The following ACTR3C variants were observed in gnomAD, a reference collection of about 807,000 sequenced individuals.
ACTR3C encodes the protein actin related protein 3C.
A neutral mutation model predicts 26.3 loss-of-function variants in ACTR3C; 18 were observed. The ratio of observed to expected loss-of-function variants is 0.68; its 90% CI spans 0.47 to 1.01. ACTR3C has a LOEUF of 1.01. Among genes scored for constraint, ACTR3C ranks in the 50% least tolerant of loss-of-function variants. The pLI, the probability that ACTR3C is intolerant of heterozygous loss-of-function variation, is 0.00. For synonymous variants in ACTR3C, 55 were observed against 94.5 expected (o/e 0.58, Z 2.42); for missense variants, 184 against 250.7 (o/e 0.73, Z 1.80).
the ACTR3C span, among the ~76,000 whole-genome samples, chr7:150,113,184 C>G: frequency 6.6e-6 from 1 of 151,574 alleles, no homozygotes; most frequent in Non-Finnish European, 1.5e-5. Flanking sequence ...TCACGCTGCT[C>G]CTACGTCAAT....
the ACTR3C span, among the ~76,000 whole-genome samples, chr7:150,207,545 A>G: frequency 6.6e-6 from 1 of 152,022 alleles, no homozygotes; most frequent in African/African-American, 2.4e-5. Context: ...GTTTGAAAAC[A>G]TTTCTTGATT....
At chr7:149,896,001 C>G in the ACTR3C span, among the ~76,000 whole-genome samples, 2 of 135,298 alleles carry the variant, frequency 1.5e-5, no homozygotes, top group Non-Finnish European at 3.0e-5. Flanking sequence ...AGTTTGAGAC[C>G]AGTCTGGGCA....
chr7:150,037,334 G>T, the ACTR3C span, among the ~76,000 whole-genome samples: 1,563 of 45,472 alleles, frequency 0.034, 76 homozygotes, highest in East Asian at 0.063. Context: ...CCTAAGCCGG[G>T]GGGGGAAGAG....
At chr7:150,137,836 T>G in the ACTR3C span, among the ~76,000 whole-genome samples, 1 of 152,150 alleles carries the variant, frequency 6.6e-6, no homozygotes, top group Non-Finnish European at 1.5e-5. Context: ...GGTATGGAAA[T>G]GAGAAATTTC....
the ACTR3C span, among the ~76,000 whole-genome samples, chr7:150,086,788 C>T: frequency 6.6e-6 from 1 of 152,082 alleles, no homozygotes; most frequent in Non-Finnish European, 1.5e-5. Flanking sequence ...GCTCAGACTT[C>T]CTAAGGCAAA....
chr7:150,006,254 T>C, the ACTR3C span, among the ~76,000 whole-genome samples: 1 of 141,950 alleles, frequency 7.0e-6, no homozygotes, highest in South Asian at 2.2e-4. Context: ...TGGAGTGCAG[T>C]GGCGCAATCT....
the ACTR3C span, among the ~76,000 whole-genome samples, chr7:150,070,896 G>A: frequency 4.0e-5 from 6 of 149,916 alleles, no homozygotes; most frequent in South Asian, 1.3e-3. Flanking sequence ...CCGGGTTCAT[G>A]CCATTCTCCT....
At chr7:149,931,173 A>G in the ACTR3C span, among the ~76,000 whole-genome samples, 1 of 152,162 alleles carries the variant, frequency 6.6e-6, no homozygotes, top group Non-Finnish European at 1.5e-5. Flanking sequence ...GCCATATGAA[A>G]ACTTTTCTAA....
chr7:150,033,110 C>T, the ACTR3C span, among the ~76,000 whole-genome samples: 4 of 152,096 alleles, frequency 2.6e-5, no homozygotes, highest in Admixed American at 6.5e-5. Flanking sequence ...TCAGCCTGAA[C>T]GGGGAGTGGG....
At chr7:150,180,639 A>T in the ACTR3C span, among the ~76,000 whole-genome samples, 5 of 147,682 alleles carry the variant, frequency 3.4e-5, no homozygotes, top group Non-Finnish European at 7.4e-5. Context: ...CAGCCTCCCG[A>T]GTAGCTGGGA....
intron 2 of ACTR3C, among the ~76,000 whole-genome samples, chr7:150,294,551 G>T (rs992498587): frequency 6.6e-6 from 1 of 152,172 alleles, no homozygotes; most frequent in Non-Finnish European, 1.5e-5. Flanking sequence ...CATAGATTTC[G>T]ACACAGGAAT....
At chr7:150,198,886 G>T in the ACTR3C span, among the ~76,000 whole-genome samples, 1 of 148,642 alleles carries the variant, frequency 6.7e-6, no homozygotes, top group Non-Finnish European at 1.5e-5. Context: ...GCTGGGAAGT[G>T]AGGAGCCCCT....
chr7:150,244,146 CAATATAGTCTTAGAATATTG>C (rs1237918481), downstream of ACTR3C: 40 of 103,870 alleles, frequency 3.9e-4, no homozygotes, highest in African/African-American at 1.8e-3. Flanking sequence ...ATTGAATATT[CAATATAGTCTTAGAATATTG>C]AATATTCAAT....
the ACTR3C span, among the ~76,000 whole-genome samples, chr7:150,126,530 T>C: frequency 3.3e-5 from 5 of 152,306 alleles, no homozygotes; most frequent in African/African-American, 9.6e-5. Flanking sequence ...GAAGCATGCT[T>C]GCCGGGCATC....
chr7:149,899,520 G>A, the ACTR3C span, among the ~76,000 whole-genome samples: 1 of 142,672 alleles, frequency 7.0e-6, no homozygotes, highest in African/African-American at 2.5e-5. Flanking sequence ...GAAAAGGACA[G>A]AGGAAAGAAA....
chr7:149,975,108 C>A, the ACTR3C span, among the ~76,000 whole-genome samples: 1 of 152,134 alleles, frequency 6.6e-6, no homozygotes, highest in Admixed American at 6.5e-5. Flanking sequence ...CCCCAGTGCA[C>A]CTGAAACATT....
At chr7:150,082,886 A>G in the ACTR3C span, among the ~76,000 whole-genome samples, 1 of 150,840 alleles carries the variant, frequency 6.6e-6, no homozygotes, top group East Asian at 2.0e-4. Flanking sequence ...AGTAAGGATA[A>G]GGTTTTGGCT....
At chr7:150,117,652 G>A in the ACTR3C span, among the ~76,000 whole-genome samples, 58 of 152,340 alleles carry the variant, frequency 3.8e-4, no homozygotes, top group Admixed American at 2.5e-3. Context: ...GGCTGTGGGC[G>A]CAGCTTCAGC....
the ACTR3C span, among the ~76,000 whole-genome samples, chr7:149,925,827 C>T: frequency 3.3e-5 from 5 of 152,056 alleles, no homozygotes; most frequent in South Asian, 4.2e-4. Flanking sequence ...TTTGGGAGGC[C>T]GAGGCAGGTG....
Sources: gnomAD v4.1 joint callset for allele counts (sites outside exome capture counted in the v4.1 genomes callset) on GRCh38, gnomAD v4.1.1 for gene constraint, MANE v1.5 for transcripts, NCBI Gene and HGNC (gene_info 2026-07-23, HGNC 2026-07-21) for gene names.